Variants in ADCY3 observed in about 807,000 individuals in gnomAD.
ADCY3 encodes the protein adenylate cyclase 3, also known as adenylate cyclase type 3.
A neutral mutation model predicts 119.4 loss-of-function variants in ADCY3; 70 were observed. That is an observed-to-expected ratio of 0.59 (90% CI 0.48 to 0.72). The LOEUF is 0.72. ADCY3 is among the 30% of genes least tolerant of loss of function. ADCY3 has a pLI of 0.00. For synonymous variants in ADCY3, 672 were observed against 621.4 expected (o/e 1.08, Z -1.21); for missense variants, 1,238 against 1,541.6 (o/e 0.80, Z 3.30).
rs1008087534 is a variant in ADCY3, at chr2:24,827,971, G to A, written c.2363C>T (p.Ala788Val). 6.2e-7 allele frequency: 1 copy of A among 1,614,092 alleles called. No homozygotes were observed. Among genetic ancestry groups the A allele is most frequent in the African/African-American group, 1.3e-5 (1 of 74,922 alleles). The change falls in exon 14 of 22, where the codon GCC (alanine) becomes GTC (valine). Residue 788 changes from alanine (A) to valine (V), a missense_variant. Ala to Val is a moderately conservative substitution (Grantham distance 64). Transcript: ENST00000679454. ...ACGCCAGGCATAGAGGTTGATGGTG[G>A]CCACGGCGCCTGCGACGAGCAGCAT... ...TLMLLVAGAV[A>V]TINLYAWRPV...
chr2:24,820,061 C>A lies in ADCY3; in HGVS notation c.3306G>T (p.Arg1102Ser). 1.3e-6 allele frequency: 2 copies of A among 1,594,104 alleles called. No homozygotes were observed. The highest frequency in any genetic ancestry group is 1.7e-6 in the Non-Finnish European group (2 of 1,170,590). ...TCCCCTTCACAAAGATGGGGCCTCGCCTCACAAAGCGGAAGCCGTACTCTC... is the reference window on the plus strand; with the variant it reads ...TCCCCTTCACAAAGATGGGGCCTCGACTCACAAAGCGGAAGCCGTACTCTC... ...ILREYGFRFV[R>S]RGPIFVKGKG... Residue 1102 changes from arginine (R) to serine (S), a missense_variant, in exon 22 of 22, where the codon AGG (arginine) becomes AGT (serine). By Grantham distance (110) the Arg-to-Ser change is moderately radical (BLOSUM62 -1). Around this residue, in one of 7 missense-constraint regions of ADCY3, gnomAD observed 86 missense variants for 70.7 expected, o/e 1.22. Coordinates refer to ENST00000679454, the MANE Select transcript of ADCY3 (RefSeq NM_004036.5).
Position 24,820,129 on chromosome 2 carries a change from G to A in ADCY3, c.3253-15C>T. ...TCTTCTACCACCTGGAGAGGGAGGG[G>A]GAGCAAGAACGTGGCGTTACGGGGG... On this transcript the variant is annotated splice_polypyrimidine_tract_variant and intron_variant, in intron 21 of 21. Transcript: ENST00000679454. 2.0e-6 allele frequency: 3 copies of A among 1,532,160 alleles called. No individual in the cohort carries two copies. The highest frequency in any genetic ancestry group is 2.6e-5 in the South Asian group (2 of 78,216). 94.9% of individuals were successfully genotyped at this position (1,532,160 alleles called of 1,614,324 possible). A position where few individuals can be genotyped will look rare whatever the true frequency, so the allele number is the denominator to read the frequency against.
rs1454465049 is a variant in ADCY3, at chr2:24,842,121, T to TG, written c.956+132dup. ...CTGGCAGCTTCCTCCGCCAGGCTGA[T>TG]GAATGCTGTGGGAGGCCTTGCTTCT... On this transcript the variant is annotated intron_variant, in intron 4 of 21. Coordinates refer to ENST00000679454, the MANE Select transcript of ADCY3 (RefSeq NM_004036.5). This position sits in a 1 kb window ranked among gnomAD's most constrained non-coding sequence, Gnocchi z 4.9. 42 of 1,302,192 alleles carry TG rather than the reference T, an allele frequency of 3.2e-5. No homozygotes were observed. The highest frequency in any genetic ancestry group is 4.4e-5 in the Non-Finnish European group (42 of 946,254). 80.7% of individuals were successfully genotyped at this position (1,302,192 alleles called of 1,614,324 possible). A position where few individuals can be genotyped will look rare whatever the true frequency, so the allele number is the denominator to read the frequency against.
At chr2:24,912,577 GTGTGTGTGCA>G (rs1663883657) in intron 2 of ADCY3, among the ~76,000 whole-genome samples, 3 of 44,464 alleles carry the variant, frequency 6.7e-5, no homozygotes, top group African/African-American at 5.0e-4. Flanking sequence ...GCATGTGTGT[GTGTGTGTGCA>G]TGTGTGTGTG....
chr2:24,869,988 G>C (rs1674771696), intron 3 of ADCY3, among the ~76,000 whole-genome samples: 1 of 151,746 alleles, frequency 6.6e-6, no homozygotes, highest in African/African-American at 2.4e-5. Context: ...AATCCCAGTG[G>C]GATTCACATA....
chr2:24,862,403 G>C (rs1025321441), intron 3 of ADCY3, among the ~76,000 whole-genome samples: 3 of 152,088 alleles, frequency 2.0e-5, no homozygotes, highest in African/African-American at 7.2e-5. Context: ...AATATTTGCC[G>C]GGCATGGTGG....
intron 3 of ADCY3, among the ~76,000 whole-genome samples, chr2:24,863,958 T>G (rs1529897): frequency 0.49 from 74,870 of 152,126 alleles, 20,033 homozygotes; most frequent in African/African-American, 0.72. Flanking sequence ...CTAAGTATAC[T>G]CTCACTCATT....
At chr2:24,844,312 A>G (rs1671416142) in intron 3 of ADCY3, among the ~76,000 whole-genome samples, 1 of 151,872 alleles carries the variant, frequency 6.6e-6, no homozygotes, top group Non-Finnish European at 1.5e-5. Flanking sequence ...AGGCATTACC[A>G]CCCTGGGTCC....
intron 2 of ADCY3, among the ~76,000 whole-genome samples, chr2:24,915,743 G>A (rs1254552674): frequency 6.6e-6 from 1 of 152,178 alleles, no homozygotes; most frequent in Non-Finnish European, 1.5e-5. Context: ...GTTTCGCCAT[G>A]TTGGCCAGGC....
Position 24,874,016 on chromosome 2 carries a change from G to A in ADCY3, c.676-1297C>T, listed in dbSNP as rs1053501472. ...CAATTTTTTATTTTTAAACAAGATG[G>A]TCTAACAGACAACAAGGGAAGCTGG... is the stretch of plus-strand genomic sequence containing the variant. On this transcript the variant is annotated intron_variant, in intron 2 of 21. Transcript: ENST00000679454. Among the ~76,000 whole-genome samples, 11 of 152,202 alleles carry A rather than the reference G, an allele frequency of 7.2e-5. No homozygotes were observed. In the South Asian group the frequency reaches 8.3e-4, roughly 11 times the overall value.
chr2:24,838,650 C>A, intron 7 of ADCY3, 28 bp from the exon 8 acceptor site: 1 of 1,611,870 alleles, frequency 6.2e-7, no homozygotes, highest in Non-Finnish European at 8.5e-7. Flanking sequence ...AGGCCCTGAG[C>A]GTCGGCCAGA....
At chr2:24,844,044 C>T (rs1341858421) in intron 3 of ADCY3, among the ~76,000 whole-genome samples, 1 of 152,184 alleles carries the variant, frequency 6.6e-6, no homozygotes, top group Admixed American at 6.5e-5. Context: ...TGAGAACTAG[C>T]TCATGGCAGG....
chr2:24,835,959 G>T (rs1352665254), intron 9 of ADCY3, among the ~76,000 whole-genome samples: 1 of 151,370 alleles, frequency 6.6e-6, no homozygotes, highest in East Asian at 1.9e-4. Context: ...AGACTCCCTG[G>T]TCTTAAGCAC....
At chr2:24,856,758 A>C (rs372043284) in intron 3 of ADCY3, among the ~76,000 whole-genome samples, 1 of 152,214 alleles carries the variant, frequency 6.6e-6, no homozygotes, top group Non-Finnish European at 1.5e-5. Context: ...TCATCTATGC[A>C]TGTCCCTGAG....
chr2:24,848,045 A>G (rs1671854809), intron 3 of ADCY3, among the ~76,000 whole-genome samples: 1 of 152,236 alleles, frequency 6.6e-6, no homozygotes, highest in South Asian at 2.1e-4. Context: ...GCCTGCACTC[A>G]CTGTGGCTAT....
chr2:24,821,894 A>G (rs3198667), intron 19 of ADCY3: 259,644 of 440,436 alleles, frequency 0.59, 78,576 homozygotes, highest in Admixed American at 0.72. Context: ...CACGAGGCGG[A>G]CCCCTTCACC....
intron 17 of ADCY3, 88 bp from the exon 18 acceptor site, chr2:24,823,443 C>T: frequency 7.1e-7 from 1 of 1,402,248 alleles, no homozygotes; most frequent in African/African-American, 1.5e-5. Context: ...CCATGCATGA[C>T]ATGTGCACTC....
chr2:24,858,656 C>T (rs1423552180), intron 3 of ADCY3, among the ~76,000 whole-genome samples: 1 of 152,258 alleles, frequency 6.6e-6, no homozygotes, highest in Non-Finnish European at 1.5e-5. Flanking sequence ...CCACAATGCA[C>T]AATTCTACAA....
Position 24,828,069 on chromosome 2 carries a change from G to A in ADCY3, c.2265C>T (p.Asn755=), listed in dbSNP as rs991059557. The A allele has an allele frequency of 6.2e-7, 1 of 1,614,114 alleles. No individual in the cohort carries two copies. Among genetic ancestry groups the A allele is most frequent in the Non-Finnish European group, 8.5e-7 (1 of 1,180,058 alleles). ...CGATGAGGGACAGCACGGCCACATA[G>A]TTGTAATACTTGGGGTTCTCCAGGC... ...GSCLENPKYY[N]YVAVLSLIAT... The change falls in exon 14 of 22, where the codon AAC becomes AAT. Residue 755 remains asparagine (N), a synonymous_variant. Transcript: ENST00000679454.
Sources: allele counts gnomAD v4.1 joint callset (sites outside exome capture counted in the v4.1 genomes callset), GRCh38; gene constraint gnomAD v4.1.1; regional missense constraint gnomAD v4.1.1; non-coding constraint Gnocchi (gnomAD v3.1); transcripts MANE v1.5; gene names NCBI Gene and HGNC (gene_info 2026-07-23, HGNC 2026-07-21).